Variants in GNA14 observed in about 807,000 individuals in gnomAD.
GNA14 encodes the protein guanine nucleotide-binding protein subunit alpha-14.
In GNA14, 50 loss-of-function variants were observed where a neutral mutation model predicts 42.0. That is an observed-to-expected ratio of 1.19 (90% CI 0.95 to 1.51). GNA14 has a LOEUF of 1.51. GNA14 is among the 40% of genes most tolerant of loss of function. The pLI is 0.00. For missense variants in GNA14, 473 were observed against 446.2 expected (o/e 1.06, Z -0.54); for synonymous variants, 173 against 163.1 (o/e 1.06, Z -0.46).
chr9:77,426,146 C>G (rs1433071992), intron 5 of GNA14, among the ~76,000 whole-genome samples: 1 of 152,150 alleles, frequency 6.6e-6, no homozygotes, highest in Admixed American at 6.5e-5. Context: ...TGGGCCTCAG[C>G]AGTCAAGTGA....
chr9:77,436,972 C>T (rs949324140), intron 2 of GNA14, among the ~76,000 whole-genome samples: 12 of 152,188 alleles, frequency 7.9e-5, no homozygotes, highest in Non-Finnish European at 1.8e-4. Context: ...AGGTCAGGGC[C>T]TCCTCTCAGA....
At chr9:77,535,053 G>C (rs1020195416) in intron 1 of GNA14, among the ~76,000 whole-genome samples, 3 of 152,172 alleles carry the variant, frequency 2.0e-5, no homozygotes, top group African/African-American at 7.2e-5. Flanking sequence ...AAGGACTTAA[G>C]AAAATTCCTT....
At chr9:77,432,201 C>G (rs548523241) in intron 3 of GNA14, among the ~76,000 whole-genome samples, 1 of 152,060 alleles carries the variant, frequency 6.6e-6, no homozygotes, top group East Asian at 1.9e-4. Context: ...GTTGTAGATG[C>G]AGAGCCCGCT....
At position 77,431,349 on chromosome 9, in the gene GNA14, G is replaced by C. The variant is rs1254452077; in HGVS notation, c.565C>G (p.Pro189Ala). ...AAGATGATGTTTTCCAAGTCAAATG[G>C]ATACTCAATGATGCCGGTGGTGGGC... ...RVPTTGIIEY[P>A]FDLENIIFRM... Residue 189 changes from proline to alanine, a missense_variant, in exon 4 of 7, where the codon CCA (proline) becomes GCA (alanine). Coordinates refer to ENST00000341700, the MANE Select transcript of GNA14 (RefSeq NM_004297.4). The C allele has an allele frequency of 6.2e-7, 1 of 1,613,802 alleles. No homozygotes were observed. Among genetic ancestry groups the C allele is most frequent in the South Asian group, 1.1e-5 (1 of 91,046 alleles).
At chr9:77,531,165 C>T (rs1370705312) in intron 1 of GNA14, among the ~76,000 whole-genome samples, 1 of 152,166 alleles carries the variant, frequency 6.6e-6, no homozygotes, top group African/African-American at 2.4e-5. Flanking sequence ...GAGATTCACA[C>T]ATTTGGGCAC....
intron 2 of GNA14, among the ~76,000 whole-genome samples, chr9:77,509,424 G>T: frequency 6.6e-6 from 1 of 152,212 alleles, no homozygotes; most frequent in Non-Finnish European, 1.5e-5. Flanking sequence ...TATGTAAAAA[G>T]CTCTTTGAGA....
At chr9:77,465,723 A>T (rs1364616483) in intron 2 of GNA14, among the ~76,000 whole-genome samples, 2 of 151,850 alleles carry the variant, frequency 1.3e-5, no homozygotes, top group African/African-American at 4.8e-5. Flanking sequence ...CTCCCACCTC[A>T]GCCTCCCAAG....
intron 2 of GNA14, among the ~76,000 whole-genome samples, chr9:77,496,376 T>C (rs1030925083): frequency 6.6e-6 from 1 of 152,178 alleles, no homozygotes; most frequent in Admixed American, 6.6e-5. Flanking sequence ...TGTTACTAAG[T>C]ACCTTCAAGA....
intron 1 of GNA14, among the ~76,000 whole-genome samples, chr9:77,581,906 T>C (rs1041758869): frequency 3.1e-4 from 47 of 152,092 alleles, no homozygotes; most frequent in African/African-American, 9.9e-4. Context: ...GCATGAAAAA[T>C]CTGGAACCTC....
intron 1 of GNA14, among the ~76,000 whole-genome samples, chr9:77,568,033 A>G (rs1228559870): frequency 1.3e-5 from 2 of 152,226 alleles, no homozygotes; most frequent in Non-Finnish European, 2.9e-5. Flanking sequence ...AAGGAAGACT[A>G]GAAAGAAAGA....
chr9:77,580,602 C>A, intron 1 of GNA14: 1 of 480,920 alleles, frequency 2.1e-6, no homozygotes, highest in South Asian at 2.0e-5. Context: ...ATGACATGTT[C>A]AGGCTTGCCC....
At chr9:77,610,138 G>A (rs1823707299) in intron 1 of GNA14, among the ~76,000 whole-genome samples, 2 of 152,142 alleles carry the variant, frequency 1.3e-5, no homozygotes, top group Non-Finnish European at 2.9e-5. Flanking sequence ...CACCTTCCCA[G>A]AGGAACTTTG....
chr9:77,604,469 C>T (rs1020959037), intron 1 of GNA14, among the ~76,000 whole-genome samples: 1 of 152,194 alleles, frequency 6.6e-6, no homozygotes, highest in African/African-American at 2.4e-5. Context: ...TGTCACTAAT[C>T]CTCTAAGTGA....
chr9:77,602,466 A>T (rs1432830375), intron 1 of GNA14, among the ~76,000 whole-genome samples: 1 of 152,220 alleles, frequency 6.6e-6, no homozygotes, highest in Non-Finnish European at 1.5e-5. Flanking sequence ...TTTGTGCCTT[A>T]TATGGATGTT....
chr9:77,611,347 T>A (rs1233737847), intron 1 of GNA14, among the ~76,000 whole-genome samples: 2 of 152,214 alleles, frequency 1.3e-5, no homozygotes, highest in Non-Finnish European at 2.9e-5. Context: ...CAGGCCCAGA[T>A]GGATGCCTGA....
chr9:77,493,548 A>G (rs1587797947), intron 2 of GNA14, among the ~76,000 whole-genome samples: 1 of 152,182 alleles, frequency 6.6e-6, no homozygotes, highest in African/African-American at 2.4e-5. Context: ...ACTGTGGATC[A>G]TGTTACCCAC....
chr9:77,568,786 G>A (rs1468913389), intron 1 of GNA14, among the ~76,000 whole-genome samples: 1 of 152,216 alleles, frequency 6.6e-6, no homozygotes, highest in African/African-American at 2.4e-5. Context: ...CAACCACAGA[G>A]CTGAGGAGCA....
intron 1 of GNA14, among the ~76,000 whole-genome samples, chr9:77,574,085 G>A (rs753396546): frequency 3.9e-5 from 6 of 152,028 alleles, no homozygotes; most frequent in Non-Finnish European, 8.8e-5. Flanking sequence ...AGAAAGGATC[G>A]CTTGAGGCCA....
chr9:77,570,871 A>C (rs1184957774), intron 1 of GNA14, among the ~76,000 whole-genome samples: 2 of 150,970 alleles, frequency 1.3e-5, no homozygotes, highest in African/African-American at 5.0e-5. Context: ...CTGAGCTCTC[A>C]AATTTTAATG....
Sources: allele counts gnomAD v4.1 joint callset (sites outside exome capture counted in the v4.1 genomes callset), GRCh38; gene constraint gnomAD v4.1.1; transcripts MANE v1.5; gene names NCBI Gene and HGNC (gene_info 2026-07-23, HGNC 2026-07-21).